ZSWIM5: variants seen among roughly 807,000 people sequenced by gnomAD.
ZSWIM5 encodes zinc finger SWIM domain-containing protein 5.
In ZSWIM5, 55 loss-of-function variants were observed where a neutral mutation model predicts 119.6. The ratio of observed to expected loss-of-function variants is 0.46; its 90% CI spans 0.37 to 0.58. ZSWIM5 has a LOEUF of 0.58. Among genes scored for constraint, ZSWIM5 ranks in the 20% least tolerant of loss-of-function variants. The pLI is 0.00. For synonymous variants in ZSWIM5, 537 were observed against 606.9 expected, an observed-to-expected ratio of 0.88 and a Z score of 1.69; for missense variants, 1,193 against 1,512.8, an observed-to-expected ratio of 0.79 and a Z score of 3.51.
chr1:45,090,530 T>A (rs1327394819), intron 1 of ZSWIM5, among the ~76,000 whole-genome samples: 1 of 152,024 alleles, frequency 6.6e-6, no homozygotes, highest in Non-Finnish European at 1.5e-5. Context: ...GTGGGAGGAT[T>A]GCTCGAGGCT....
At chr1:45,132,395 T>C (rs189170200) in intron 1 of ZSWIM5, among the ~76,000 whole-genome samples, 115 of 152,238 alleles carry the variant, frequency 7.6e-4, no homozygotes, top group African/African-American at 2.5e-3. Flanking sequence ...GCTGGTAGCA[T>C]TGAAAGTTAA....
At chr1:45,205,249 A>T (rs1269337818) in intron 1 of ZSWIM5, among the ~76,000 whole-genome samples, 1 of 152,056 alleles carries the variant, frequency 6.6e-6, no homozygotes, top group Non-Finnish European at 1.5e-5. Context: ...ATCCTAACGC[A>T]GACAATTAAA....
chr1:45,078,860 C>T (rs1645271192), intron 2 of ZSWIM5, among the ~76,000 whole-genome samples: 1 of 152,230 alleles, frequency 6.6e-6, no homozygotes, highest in African/African-American at 2.4e-5. Flanking sequence ...TTCCATTGTA[C>T]TGTGGCTGAG....
chr1:45,111,322 T>C (rs346737), intron 1 of ZSWIM5, among the ~76,000 whole-genome samples: 1 of 151,826 alleles, frequency 6.6e-6, no homozygotes, highest in East Asian at 1.9e-4. Flanking sequence ...GCCAGGAAAG[T>C]TTCTCCAGAA....
intron 11 of ZSWIM5, among the ~76,000 whole-genome samples, chr1:45,027,024 T>TA (rs1644924562): frequency 6.6e-6 from 1 of 152,118 alleles, no homozygotes. Flanking sequence ...ATTTTTTTTT[T>TA]ATTATCCTTT....
chr1:45,058,581 A>C, intron 4 of ZSWIM5, 28 bp downstream of exon 4: 1 of 1,613,708 alleles, frequency 6.2e-7, no homozygotes, highest in South Asian at 1.1e-5. Context: ...GGTAGAACAA[A>C]GCACTTCTCT....
intron 1 of ZSWIM5, among the ~76,000 whole-genome samples, chr1:45,149,453 C>T (rs887927215): frequency 2.0e-5 from 3 of 152,182 alleles, no homozygotes; most frequent in African/African-American, 7.2e-5. Flanking sequence ...TACATAAACA[C>T]TATACCATTG....
intron 1 of ZSWIM5, among the ~76,000 whole-genome samples, chr1:45,196,074 A>G (rs188864640): frequency 2.8e-4 from 40 of 140,584 alleles, no homozygotes; most frequent in Middle Eastern, 3.8e-3. Flanking sequence ...TGAGGTCTCA[A>G]TATGCTGCCC....
chr1:45,018,582 T>G lies in ZSWIM5; in HGVS notation c.3430A>C (p.Lys1144Gln), dbSNP rs1644869208. ...HYGEFIEFLS[K>Q]ARETFLLPQD... Reference sequence around the variant, plus strand: ...GGCAGCAGGAAGGTCTCCCGAGCCTTGCTTAGAAACTCAATGAACTCTCCA... The same window carrying G: ...GGCAGCAGGAAGGTCTCCCGAGCCTGGCTTAGAAACTCAATGAACTCTCCA... The change falls in exon 14 of 14, where the codon AAG becomes CAG. Residue 1144 changes from lysine (K) to glutamine (Q), a missense_variant. By Grantham distance (53) the Lys-to-Gln change is moderately conservative (BLOSUM62 1). This residue lies in a region of ZSWIM5 where 961 missense variants were observed against 1,290.0 expected (regional missense o/e 0.74). Transcript: ENST00000359600. This position sits in a 1 kb window ranked among gnomAD's most constrained non-coding sequence, Gnocchi z 6.7. 1 of 1,614,212 alleles carries G rather than the reference T, an allele frequency of 6.2e-7. No homozygotes were observed. The highest frequency in any genetic ancestry group is 1.6e-4 in the Middle Eastern group (1 of 6,062).
intron 4 of ZSWIM5, among the ~76,000 whole-genome samples, chr1:45,052,286 A>G (rs561017251): frequency 2.0e-5 from 3 of 151,988 alleles, no homozygotes; most frequent in East Asian, 3.9e-4. Flanking sequence ...TTGGCCTCCC[A>G]AAGTGCTGGG....
chr1:45,069,363 T>C (rs753815447), intron 2 of ZSWIM5, among the ~76,000 whole-genome samples: 2 of 151,838 alleles, frequency 1.3e-5, no homozygotes, highest in Non-Finnish European at 2.9e-5. Context: ...GAGGCGGAGC[T>C]TGCAGTGAGC....
intron 1 of ZSWIM5, among the ~76,000 whole-genome samples, chr1:45,182,576 A>G (rs1646028202): frequency 2.0e-5 from 3 of 152,184 alleles, no homozygotes. Flanking sequence ...AATGGAAAAC[A>G]AAAAAAGGCA....
At chr1:45,196,034 GTTTTTTTTT>G (rs34236930) in intron 1 of ZSWIM5, among the ~76,000 whole-genome samples, 1 of 103,910 alleles carries the variant, frequency 9.6e-6, no homozygotes, top group Non-Finnish European at 2.0e-5. Context: ...CACCCAGCTA[GTTTTTTTTT>G]TTTTTTTTTT....
In ZSWIM5 at chr1:45,206,382, G is replaced by A. The variant is rs561253795; in HGVS notation, c.-32C>T. 15 of 1,357,542 alleles carry A rather than the reference G, an allele frequency of 1.1e-5. No homozygotes were observed. The East Asian group carries it at 1.9e-4, about 17-fold the overall frequency. 84.1% of individuals were successfully genotyped at this position (1,357,542 alleles called of 1,614,324 possible). On this transcript the variant is annotated 5_prime_UTR_variant, in exon 1 of 14. Transcript: ENST00000359600. Reference sequence around the variant, plus strand: ...GGACTGACTGACTGACTGAGGCGGCGGCGGCTGCTCGGGCTGCGGCGGAGA... The same window carrying A: ...GGACTGACTGACTGACTGAGGCGGCAGCGGCTGCTCGGGCTGCGGCGGAGA...
intron 4 of ZSWIM5, among the ~76,000 whole-genome samples, chr1:45,053,490 G>T (rs572328558): frequency 5.3e-5 from 8 of 151,920 alleles, no homozygotes; most frequent in Non-Finnish European, 1.2e-4. Flanking sequence ...GGCCGGGTGC[G>T]GTGGCTCATT....
chr1:45,065,254 A>G (rs1391846215), intron 2 of ZSWIM5, among the ~76,000 whole-genome samples: 1 of 152,190 alleles, frequency 6.6e-6, no homozygotes, highest in African/African-American at 2.4e-5. Context: ...GGTTGGAATG[A>G]ACAGCAATGG....
intron 1 of ZSWIM5, among the ~76,000 whole-genome samples, chr1:45,184,921 A>G (rs964390716): frequency 6.6e-6 from 1 of 152,110 alleles, no homozygotes; most frequent in African/African-American, 2.4e-5. Flanking sequence ...TATGGAACCA[A>G]AAAAGAGCCC....
chr1:45,077,076 T>C (rs1197192227), intron 2 of ZSWIM5, among the ~76,000 whole-genome samples: 1 of 152,184 alleles, frequency 6.6e-6, no homozygotes, highest in Non-Finnish European at 1.5e-5. Context: ...AGGTCACACA[T>C]CTGTGTTTCT....
chr1:45,172,660 C>T (rs997743733), intron 1 of ZSWIM5, among the ~76,000 whole-genome samples: 2 of 152,032 alleles, frequency 1.3e-5, no homozygotes, highest in Non-Finnish European at 2.9e-5. Context: ...CAGCTGAACT[C>T]TTTGGGGAAA....
Sources: gnomAD v4.1 joint callset for allele counts (sites outside exome capture counted in the v4.1 genomes callset) on GRCh38, gnomAD v4.1.1 for gene constraint, gnomAD v4.1.1 regional missense constraint, Gnocchi (gnomAD v3.1) non-coding constraint, MANE v1.5 for transcripts, NCBI Gene and HGNC (gene_info 2026-07-23, HGNC 2026-07-21) for gene names.